WWOX: variants seen among roughly 807,000 people sequenced by gnomAD.
WWOX encodes WW domain containing oxidoreductase, also known as WW domain-containing oxidoreductase.
WWOX carries 69 observed loss-of-function variants against 46.2 expected under a neutral mutation model. The observed-to-expected ratio is 1.49, with a 90% CI of 1.23 to 1.82. The LOEUF (loss-of-function observed/expected upper bound fraction) is 1.82. Among genes scored for constraint, WWOX ranks in the 40% most tolerant of loss-of-function variants. The probability of loss-of-function intolerance (pLI) is 0.00; values close to 1 mark genes in which losing one functional copy is unlikely to be tolerated. For synonymous variants in WWOX, 359 were observed against 202.6 expected (o/e 1.77, Z -6.56); for missense variants, 919 against 542.6 (o/e 1.69, Z -6.89).
intron 8 of WWOX, among the ~76,000 whole-genome samples, chr16:78,705,816 A>G (rs1597468877): frequency 6.6e-6 from 1 of 152,206 alleles, no homozygotes; most frequent in East Asian, 1.9e-4. Context: ...CAAGAATAAA[A>G]CAAAAACCCT....
intron 8 of WWOX, among the ~76,000 whole-genome samples, chr16:78,952,584 A>T (rs571570244): frequency 2.0e-5 from 3 of 151,936 alleles, no homozygotes; most frequent in Admixed American, 2.0e-4. Flanking sequence ...GGTTTCTGCC[A>T]TGTTGGCCAG....
At chr16:78,911,563 G>A (rs1359502696) in intron 8 of WWOX, among the ~76,000 whole-genome samples, 2 of 151,942 alleles carry the variant, frequency 1.3e-5, no homozygotes, top group East Asian at 3.9e-4. Context: ...CTCCCCAGTG[G>A]CAATGTTGTA....
intron 8 of WWOX, among the ~76,000 whole-genome samples, chr16:78,973,674 C>G (rs957303616): frequency 1.3e-5 from 2 of 152,152 alleles, no homozygotes; most frequent in Admixed American, 6.5e-5. Flanking sequence ...TTTCAAAGTG[C>G]TCTTTTAACA....
intron 8 of WWOX, among the ~76,000 whole-genome samples, chr16:79,054,305 C>G (rs2048222744): frequency 6.6e-6 from 1 of 152,164 alleles, no homozygotes; most frequent in African/African-American, 2.4e-5. Flanking sequence ...GCCCGCAAAA[C>G]ATATCCCCCA....
chr16:78,517,302 T>G (rs904082514), intron 8 of WWOX, among the ~76,000 whole-genome samples: 26 of 152,006 alleles, frequency 1.7e-4, no homozygotes, highest in African/African-American at 5.5e-4. Context: ...AACTAGGAAC[T>G]GTCACACACA....
chr16:79,067,734 C>T (rs890796082), intron 8 of WWOX, among the ~76,000 whole-genome samples: 2 of 152,154 alleles, frequency 1.3e-5, no homozygotes, highest in African/African-American at 4.8e-5. Context: ...GCTGTATTCG[C>T]TGTGCCTATG....
At chr16:78,214,516 T>A (rs1484300967) in intron 5 of WWOX, among the ~76,000 whole-genome samples, 1 of 152,168 alleles carries the variant, frequency 6.6e-6, no homozygotes, top group Non-Finnish European at 1.5e-5. Flanking sequence ...TCCCGAAGTC[T>A]CTTCCTGGAC....
intron 8 of WWOX, among the ~76,000 whole-genome samples, chr16:78,613,464 A>C (rs2045947161): frequency 6.6e-6 from 1 of 152,168 alleles, no homozygotes; most frequent in Admixed American, 6.5e-5. Flanking sequence ...TACCTCTGGC[A>C]GAATCGCTGT....
At chr16:78,148,648 A>C (rs1009443461) in intron 4 of WWOX, among the ~76,000 whole-genome samples, 22 of 152,090 alleles carry the variant, frequency 1.4e-4, no homozygotes, top group Non-Finnish European at 2.8e-4. Flanking sequence ...CTGTAATCCC[A>C]GCACTTTGGG....
intron 8 of WWOX, among the ~76,000 whole-genome samples, chr16:78,713,131 G>A (rs764655935): frequency 6.6e-6 from 1 of 151,824 alleles, no homozygotes; most frequent in Non-Finnish European, 1.5e-5. Context: ...ACTTAGCTGG[G>A]CATGGTGGTG....
intron 8 of WWOX, among the ~76,000 whole-genome samples, chr16:78,689,242 G>A (rs9935164): frequency 0.36 from 54,625 of 152,062 alleles, 10,530 homozygotes; most frequent in African/African-American, 0.42. Context: ...CAAGCCATAC[G>A]TCACCATTGG....
Position 78,461,386 on chromosome 16 carries a change from C to A in WWOX, c.1056+28634C>A, listed in dbSNP as rs1480268485. ...GAGAAAAAACAAACAAACAAACAAA[C>A]AAAAAATAGGAAAAAAAGAAAGAGC... On this transcript the variant is annotated intron_variant, in intron 8 of 8. Coordinates refer to ENST00000566780, the MANE Select transcript of WWOX (RefSeq NM_016373.4). 2.0e-5 allele frequency among the ~76,000 whole-genome samples: 3 copies of A among 151,542 alleles called. No homozygotes were observed. In the East Asian group the frequency reaches 5.8e-4, roughly 29 times the overall value.
chr16:78,490,853 A>G (rs186804348), intron 8 of WWOX, among the ~76,000 whole-genome samples: 21 of 152,322 alleles, frequency 1.4e-4, no homozygotes, highest in East Asian at 9.7e-4. Context: ...AAGCTCACCC[A>G]TCACCATTTG....
intron 8 of WWOX, among the ~76,000 whole-genome samples, chr16:78,491,652 A>T (rs1380228530): frequency 3.3e-5 from 5 of 152,132 alleles, no homozygotes; most frequent in Admixed American, 3.3e-4. Flanking sequence ...TCAATGCAGT[A>T]TATAAGAGGG....
At chr16:78,976,777 T>G (rs1028559136) in intron 8 of WWOX, among the ~76,000 whole-genome samples, 5 of 152,210 alleles carry the variant, frequency 3.3e-5, no homozygotes, top group African/African-American at 1.2e-4. Flanking sequence ...TTTAAAATAC[T>G]TTTTCCATGA....
intron 8 of WWOX, among the ~76,000 whole-genome samples, chr16:78,919,319 A>C (rs1353304246): frequency 6.6e-6 from 1 of 151,934 alleles, no homozygotes; most frequent in Non-Finnish European, 1.5e-5. Flanking sequence ...CAACTCACCC[A>C]GGATCAAGCA....
intron 5 of WWOX, among the ~76,000 whole-genome samples, chr16:78,332,120 C>A (rs1173506201): frequency 6.6e-6 from 1 of 152,078 alleles, no homozygotes; most frequent in Admixed American, 6.5e-5. Context: ...TTTGGGTGTC[C>A]TGTGTTTGTA....
At chr16:78,465,422 C>T (rs544415494) in intron 8 of WWOX, among the ~76,000 whole-genome samples, 52 of 152,278 alleles carry the variant, frequency 3.4e-4, no homozygotes, top group African/African-American at 4.3e-4. Flanking sequence ...TCAAGCAGTC[C>T]GCCTGCATCG....
intron 8 of WWOX, among the ~76,000 whole-genome samples, chr16:78,524,578 G>T (rs1420846855): frequency 6.6e-6 from 1 of 151,458 alleles, no homozygotes; most frequent in Non-Finnish European, 1.5e-5. Context: ...GCACCACCAG[G>T]CTCTGCTAAT....
Sources: gnomAD v4.1 joint callset for allele counts (sites outside exome capture counted in the v4.1 genomes callset) on GRCh38, gnomAD v4.1.1 for gene constraint, MANE v1.5 for transcripts, NCBI Gene and HGNC (gene_info 2026-07-23, HGNC 2026-07-21) for gene names.